Variants in SULF1 observed in about 807,000 individuals in gnomAD.
SULF1 encodes the protein sulfatase 1.
SULF1 carries 46 observed loss-of-function variants against 110.5 expected under a neutral mutation model. The ratio of observed to expected loss-of-function variants is 0.42; its 90% CI spans 0.33 to 0.53. The LOEUF is 0.53. SULF1 is among the 20% of genes least tolerant of loss of function. The pLI is 0.12. For synonymous variants in SULF1, 371 were observed against 387.1 expected, an observed-to-expected ratio of 0.96 and a Z score of 0.49; for missense variants, 941 against 1,094.2, an observed-to-expected ratio of 0.86 and a Z score of 1.98.
chr8:69,538,369 G>C (rs1384781323), intron 3 of SULF1, among the ~76,000 whole-genome samples: 1 of 147,496 alleles, frequency 6.8e-6, no homozygotes, highest in African/African-American at 2.5e-5. Flanking sequence ...CCCTTCAGCA[G>C]CCGCGTTCAT....
In SULF1 at chr8:69,629,661, A is replaced by T; in HGVS notation, c.2266A>T (p.Thr756Ser). The change falls in exon 19 of 23, where the codon ACA (threonine) becomes TCA (serine). Residue 756 changes from threonine to serine, a missense_variant. Physicochemically the swap from Thr to Ser is moderately conservative, Grantham distance 58. Transcript: ENST00000402687. ...CACGCATGACAACAACCACTGGCAGACAGCCCCGTTCTGGAACCGTAAGTT... is the reference window on the plus strand; with the variant it reads ...CACGCATGACAACAACCACTGGCAGTCAGCCCCGTTCTGGAACCGTAAGTT... ...CFTHDNNHWQTAPFWNLGSFC... is the reference protein window; with the variant it reads ...CFTHDNNHWQSAPFWNLGSFC... The T allele has an allele frequency of 6.2e-7, 1 of 1,610,352 alleles. No homozygotes were observed. The highest frequency in any genetic ancestry group is 8.5e-7 in the Non-Finnish European group (1 of 1,178,328).
intron 3 of SULF1, among the ~76,000 whole-genome samples, chr8:69,541,485 A>G (rs1048312732): frequency 1.3e-5 from 2 of 152,250 alleles, no homozygotes; most frequent in Non-Finnish European, 2.9e-5. Context: ...TTACCCTAGC[A>G]TATGATTTGA....
chr8:69,578,253 G>T (rs1450506701), intron 6 of SULF1, among the ~76,000 whole-genome samples: 2 of 152,166 alleles, frequency 1.3e-5, no homozygotes, highest in Non-Finnish European at 2.9e-5. Flanking sequence ...AGATGATTTA[G>T]TTCCATTTCC....
At chr8:69,526,827 A>AAGGAAGGAAGGG (rs1563498357) in intron 3 of SULF1, among the ~76,000 whole-genome samples, 1 of 146,662 alleles carries the variant, frequency 6.8e-6, no homozygotes, top group African/African-American at 2.6e-5. Context: ...GGAAGGAAGG[A>AAGGAAGGAAGGG]AGGAAGGAAG....
chr8:69,644,879 G>T (rs1029317172), intron 22 of SULF1, among the ~76,000 whole-genome samples: 45 of 152,216 alleles, frequency 3.0e-4, no homozygotes, highest in African/African-American at 1.1e-3. Flanking sequence ...TACCCTAATG[G>T]AGCTTCCTGG....
chr8:69,514,440 C>T (rs1350209764), intron 3 of SULF1, among the ~76,000 whole-genome samples: 1 of 152,164 alleles, frequency 6.6e-6, no homozygotes, highest in South Asian at 2.1e-4. Context: ...GATTTAATCA[C>T]CTCCCACCAG....
chr8:69,589,033 T>C lies in SULF1; in HGVS notation c.626T>C (p.Met209Thr). ...AATTACTTCAAAATGTCTAAGAGAA[T>C]GTATCCCCATAGGCCCGTTATGATG... is the stretch of plus-strand genomic sequence containing the variant. ...SINYFKMSKR[M>T]YPHRPVMMVI... The change falls in exon 8 of 23, where the codon ATG becomes ACG. Residue 209 changes from methionine (M) to threonine (T), a missense_variant. By Grantham distance (81) the Met-to-Thr change is moderately conservative. This residue lies in a region of SULF1 where 822 missense variants were observed against 934.3 expected (regional missense o/e 0.88). Coordinates refer to ENST00000402687, the MANE Select transcript of SULF1 (RefSeq NM_001128205.2). 2 of 1,614,194 alleles carry C rather than the reference T, an allele frequency of 1.2e-6. No homozygotes were observed. The highest frequency in any genetic ancestry group is 1.1e-5 in the South Asian group (1 of 91,088).
At chr8:69,553,175 G>C (rs533801420) in intron 3 of SULF1, among the ~76,000 whole-genome samples, 3 of 152,276 alleles carry the variant, frequency 2.0e-5, no homozygotes, top group East Asian at 3.9e-4. Flanking sequence ...ATATTCCAAG[G>C]AGAAAAAGCA....
intron 6 of SULF1, among the ~76,000 whole-genome samples, chr8:69,582,499 C>G (rs976818894): frequency 6.6e-6 from 1 of 152,060 alleles, no homozygotes; most frequent in South Asian, 2.1e-4. Flanking sequence ...TGCATTTAAT[C>G]CTCAAAACAA....
chr8:69,521,499 G>A (rs1472581162), intron 3 of SULF1, among the ~76,000 whole-genome samples: 2 of 152,180 alleles, frequency 1.3e-5, no homozygotes, highest in Admixed American at 6.5e-5. Flanking sequence ...GAGTGAGGAA[G>A]TAGCAACCAG....
In SULF1 at chr8:69,591,191, T is replaced by A. The variant is rs77442467; in HGVS notation, c.734+2050T>A. Among the ~76,000 whole-genome samples, 3 of 152,206 alleles carry A rather than the reference T, an allele frequency of 2.0e-5. No homozygotes were observed. The East Asian group carries it at 5.8e-4, about 29-fold the overall frequency. Reference sequence around the variant, plus strand: ...AAGAGTTTATAAGAGCTCAGTTGCATGGAATCAGTACTGCATGAGGGGAGG... The same window carrying A: ...AAGAGTTTATAAGAGCTCAGTTGCAAGGAATCAGTACTGCATGAGGGGAGG... On this transcript the variant is annotated intron_variant, in intron 8 of 22. Coordinates refer to ENST00000402687, the MANE Select transcript of SULF1 (RefSeq NM_001128205.2).
chr8:69,565,860 TC>T (rs935806105), intron 5 of SULF1, among the ~76,000 whole-genome samples: 2 of 152,064 alleles, frequency 1.3e-5, no homozygotes, highest in African/African-American at 4.8e-5. Context: ...AATTGCCATC[TC>T]CCCAAAGGTG....
At chr8:69,638,895 G>A in intron 21 of SULF1, 37 bp downstream of exon 21, 1 of 1,582,038 alleles carries the variant, frequency 6.3e-7, no homozygotes, top group Non-Finnish European at 8.6e-7. Flanking sequence ...ATTTTACCTG[G>A]AAAATTCTTT....
chr8:69,555,615 C>T (rs1223744760), intron 3 of SULF1, among the ~76,000 whole-genome samples: 2 of 151,850 alleles, frequency 1.3e-5, no homozygotes, highest in Non-Finnish European at 2.9e-5. Context: ...CAAGATCTTG[C>T]CACTGCACTC....
At position 69,627,787 on chromosome 8, in the gene SULF1, G is replaced by A; in HGVS notation, c.1963G>A (p.Asp655Asn). Residue 655 changes from aspartate to asparagine, a missense_variant, in exon 17 of 23, where the codon GAT becomes AAT. By Grantham distance (23) the Asp-to-Asn change is conservative. Around this residue, in one of 3 missense-constraint regions of SULF1, gnomAD observed 822 missense variants for 934.3 expected, o/e 0.88. Transcript: ENST00000402687. ...TGTTTTCCAGATTGAAGCTCTGCAA[G>A]ATAAAATTAAGAATTTAAGAGAAGT... ...YIDKEIEALQ[D>N]KIKNLREVRG... 6.2e-7 allele frequency: 1 copy of A among 1,611,134 alleles called. No individual in the cohort carries two copies. The highest frequency in any genetic ancestry group is 8.5e-7 in the Non-Finnish European group (1 of 1,178,622).
intron 1 of SULF1, among the ~76,000 whole-genome samples, chr8:69,484,057 G>T (rs1809605693): frequency 6.6e-6 from 1 of 152,150 alleles, no homozygotes. Flanking sequence ...TTACAGACTT[G>T]CAGGGGCCAA....
At chr8:69,630,825 T>TTTA (rs959363545) in intron 19 of SULF1, among the ~76,000 whole-genome samples, 8 of 152,350 alleles carry the variant, frequency 5.3e-5, no homozygotes, top group African/African-American at 1.9e-4. Flanking sequence ...AACATTGTTT[T>TTTA]TTATTATTAT....
chr8:69,630,420 C>T (rs192744943), intron 19 of SULF1, among the ~76,000 whole-genome samples: 34 of 152,310 alleles, frequency 2.2e-4, no homozygotes, highest in African/African-American at 6.7e-4. Context: ...ACCCGGGCTA[C>T]TGTTTCTCAA....
At chr8:69,476,206 C>T (rs138605546) in intron 1 of SULF1, among the ~76,000 whole-genome samples, 3 of 152,296 alleles carry the variant, frequency 2.0e-5, no homozygotes, top group East Asian at 1.9e-4. Flanking sequence ...ATGAAATACA[C>T]GTTCCCTTCT....
Sources: gnomAD v4.1 joint callset for allele counts (sites outside exome capture counted in the v4.1 genomes callset) on GRCh38, gnomAD v4.1.1 for gene constraint, gnomAD v4.1.1 regional missense constraint, MANE v1.5 for transcripts, NCBI Gene and HGNC (gene_info 2026-07-23, HGNC 2026-07-21) for gene names.